The following INO80 variants were observed in gnomAD, a reference collection of about 807,000 sequenced individuals.
INO80 encodes the protein chromatin-remodeling ATPase INO80.
A neutral mutation model predicts 203.4 loss-of-function variants in INO80; 20 were observed. The ratio of observed to expected loss-of-function variants is 0.10; its 90% CI spans 0.07 to 0.14. INO80 has a LOEUF of 0.14. Ranked by LOEUF, INO80 falls within the 10% of genes least tolerant of loss-of-function variation. INO80 has a pLI of 1.00. For synonymous variants in INO80, 726 were observed against 685.2 expected, an observed-to-expected ratio of 1.06 and a Z score of -0.93; for missense variants, 1,419 against 1,914.4, an observed-to-expected ratio of 0.74 and a Z score of 4.83.
At chr15:41,089,059 A>T (rs516156) in intron 5 of INO80, among the ~76,000 whole-genome samples, 1 of 151,956 alleles carries the variant, frequency 6.6e-6, no homozygotes, top group Non-Finnish European at 1.5e-5. Context: ...GCATGGTGGC[A>T]GGCTTCTGTA....
In INO80 at chr15:41,003,084, C is replaced by G. The variant is rs1026374046; in HGVS notation, c.3497+2509G>C. Among the ~76,000 whole-genome samples, 246 of 152,078 alleles carry G rather than the reference C, an allele frequency of 1.6e-3. 1 individual carries two copies. Among genetic ancestry groups the G allele is most frequent in the African/African-American group, 5.7e-3 (237 of 41,508 alleles). ...GCAGTGAGCCAAGATCACGCCACTG[C>G]ACTCCAGCCTGGGTGACAGAGCGAG... On this transcript the variant is annotated intron_variant, in intron 28 of 35. Transcript: ENST00000648947.
intron 1 of INO80, among the ~76,000 whole-genome samples, chr15:41,107,283 T>TC (rs2045893534): frequency 2.0e-5 from 3 of 151,450 alleles, no homozygotes; most frequent in Middle Eastern, 3.4e-3. Flanking sequence ...GGCCAGGAGT[T>TC]CAAGACCAGG....
intron 14 of INO80, among the ~76,000 whole-genome samples, chr15:41,068,810 A>C (rs1038451051): frequency 6.6e-6 from 1 of 152,174 alleles, no homozygotes; most frequent in African/African-American, 2.4e-5. Flanking sequence ...CAGTGAGCCG[A>C]GATTGTGCCA....
chr15:40,987,017 C>G (rs2043745115), intron 31 of INO80, 74 bp downstream of exon 31: 1 of 829,428 alleles, frequency 1.2e-6, no homozygotes, highest in African/African-American at 1.7e-5. Context: ...CTTTGCCTAC[C>G]CTTGGCACAC....
At chr15:41,089,647 G>A (rs1231475408) in intron 5 of INO80, among the ~76,000 whole-genome samples, 7 of 152,066 alleles carry the variant, frequency 4.6e-5, no homozygotes, top group Non-Finnish European at 1.0e-4. Flanking sequence ...GGAGACTGAG[G>A]CAGGAGTACT....
intron 23 of INO80, 71 bp from the exon 24 acceptor site, chr15:41,045,146 G>C (rs148880840): frequency 2.6e-6 from 3 of 1,174,698 alleles, no homozygotes; most frequent in African/African-American, 3.1e-5. Context: ...ATAGCAGCAA[G>C]GATTGTCTCT....
At chr15:41,077,344 C>A (rs1596313045) in intron 9 of INO80, among the ~76,000 whole-genome samples, 2 of 108,464 alleles carry the variant, frequency 1.8e-5, no homozygotes, top group Admixed American at 9.9e-5. Flanking sequence ...AAAAACAATA[C>A]AATAGGGAAT....
At chr15:41,104,201 CA>C (rs2045848765) in intron 1 of INO80, among the ~76,000 whole-genome samples, 3 of 83,228 alleles carry the variant, frequency 3.6e-5, no homozygotes, top group Non-Finnish European at 2.2e-5. Flanking sequence ...AGCAAAACTC[CA>C]TCTCAAAAAA....
At chr15:41,086,953 G>C (rs988311407) in intron 6 of INO80, among the ~76,000 whole-genome samples, 1 of 152,160 alleles carries the variant, frequency 6.6e-6, no homozygotes, top group East Asian at 1.9e-4. Context: ...TATTTGCAGA[G>C]TGTGTATAAG....
At chr15:41,041,569 T>C (rs1437049007) in intron 24 of INO80, among the ~76,000 whole-genome samples, 1 of 151,858 alleles carries the variant, frequency 6.6e-6, no homozygotes, top group East Asian at 1.9e-4. Flanking sequence ...GCCTCCCTAG[T>C]AGTTGGGATT....
intron 29 of INO80, among the ~76,000 whole-genome samples, chr15:40,991,875 G>A (rs923936332): frequency 4.6e-5 from 7 of 151,992 alleles, no homozygotes; most frequent in African/African-American, 1.7e-4. Context: ...CCGAGTTCAC[G>A]CCATTCTCCT....
At chr15:41,027,788 G>C (rs1324383514) in intron 24 of INO80, 52 bp from the exon 25 acceptor site, 1 of 1,420,146 alleles carries the variant, frequency 7.0e-7, no homozygotes, top group African/African-American at 1.5e-5. Context: ...TTTAATGTAA[G>C]CAAAATGAAA....
At chr15:41,077,701 T>C (rs144257600) in intron 9 of INO80, among the ~76,000 whole-genome samples, 37 of 151,458 alleles carry the variant, frequency 2.4e-4, no homozygotes, top group Admixed American at 1.7e-3. Flanking sequence ...ACTGGGACTA[T>C]AGGCATGTGC....
intron 25 of INO80, among the ~76,000 whole-genome samples, chr15:41,027,085 A>T (rs2140478983): frequency 6.6e-6 from 1 of 152,380 alleles, no homozygotes; most frequent in South Asian, 2.1e-4. Flanking sequence ...TGACAGTCCA[A>T]GTGAGGCTGC....
At chr15:41,113,404 T>A (rs1180641015) in intron 1 of INO80, among the ~76,000 whole-genome samples, 1 of 151,884 alleles carries the variant, frequency 6.6e-6, no homozygotes, top group East Asian at 1.9e-4. Context: ...GTAGCTGGGA[T>A]TACAGGTGCG....
chr15:40,980,201 G>T lies in INO80; in HGVS notation c.*22C>A. The T allele has an allele frequency of 6.2e-7, 1 of 1,604,244 alleles. No individual in the cohort carries two copies. The highest frequency in any genetic ancestry group is 8.5e-7 in the Non-Finnish European group (1 of 1,172,726). On this transcript the variant is annotated 3_prime_UTR_variant, in exon 36 of 36. Transcript: ENST00000648947. ...GGACTCTAGCCCTGGTTTGGTTGAA[G>T]GAAGTCGGAGGGCCCAGATGGTTAC...
At chr15:40,997,113 CA>C (rs1280313170) in intron 29 of INO80, among the ~76,000 whole-genome samples, 1 of 151,762 alleles carries the variant, frequency 6.6e-6, no homozygotes, top group African/African-American at 2.4e-5. Context: ...CCCATCTCTA[CA>C]AAAAATACAA....
intron 1 of INO80, among the ~76,000 whole-genome samples, chr15:41,103,684 C>T (rs867367305): frequency 6.6e-6 from 1 of 152,106 alleles, no homozygotes; most frequent in South Asian, 2.1e-4. Flanking sequence ...AGCCACTGTG[C>T]CCAGCCCAAA....
chr15:41,093,881 G>A (rs994866873), intron 4 of INO80, among the ~76,000 whole-genome samples: 1 of 152,026 alleles, frequency 6.6e-6, no homozygotes. Context: ...AAATGAAAAG[G>A]TGAATTTTAT....
Sources: gnomAD v4.1 joint callset for allele counts (sites outside exome capture counted in the v4.1 genomes callset) on GRCh38, gnomAD v4.1.1 for gene constraint, MANE v1.5 for transcripts, NCBI Gene and HGNC (gene_info 2026-07-23, HGNC 2026-07-21) for gene names.